Variants in EXTL3 observed in about 807,000 individuals in gnomAD.
The protein encoded by EXTL3 is exostosin like glycosyltransferase 3.
In EXTL3, 27 loss-of-function variants were observed where a neutral mutation model predicts 69.3. The ratio of observed to expected loss-of-function variants is 0.39; its 90% confidence interval spans 0.29 to 0.54. The LOEUF (loss-of-function observed/expected upper bound fraction) is 0.54, where lower values mean the gene tolerates loss of function less well. Among genes scored for constraint, EXTL3 ranks in the 20% least tolerant of loss-of-function variants. The pLI is 0.69. For synonymous variants in EXTL3, 511 were observed against 499.4 expected (o/e 1.02, Z -0.31); for missense variants, 1,003 against 1,231.8 (o/e 0.81, Z 2.78).
upstream of EXTL3, among the ~76,000 whole-genome samples, chr8:28,699,211 T>C (rs928472633): frequency 6.6e-6 from 1 of 152,022 alleles, no homozygotes; most frequent in East Asian, 1.9e-4. Flanking sequence ...ATGATGATGA[T>C]GTGAGGGTGT....
At chr8:28,616,498 G>C (rs1335843188) in intron 2 of EXTL3, among the ~76,000 whole-genome samples, 1 of 152,128 alleles carries the variant, frequency 6.6e-6, no homozygotes, top group Non-Finnish European at 1.5e-5. Context: ...GTGGTGGCGG[G>C]CGCCTGCAGT....
intron 1 of EXTL3, among the ~76,000 whole-genome samples, chr8:28,695,152 G>A (rs1276186911): frequency 1.3e-4 from 19 of 146,120 alleles, no homozygotes; most frequent in Non-Finnish European, 2.7e-4. Context: ...TTTTTGAGGC[G>A]GAGTTTTGCT....
chr8:28,743,247 C>T (rs1358756679), intron 6 of EXTL3, 33 bp downstream of exon 6: 5 of 1,613,306 alleles, frequency 3.1e-6, no homozygotes, highest in Admixed American at 1.7e-5. Flanking sequence ...GCTGTGGATG[C>T]GTGCATGTTT....
chr8:28,695,945 T>A (rs1800678640), intron 1 of EXTL3, among the ~76,000 whole-genome samples: 1 of 152,166 alleles, frequency 6.6e-6, no homozygotes, highest in African/African-American at 2.4e-5. Flanking sequence ...TAAGACATGG[T>A]CTCGCTTTGT....
chr8:28,703,391 T>C lies in EXTL3; in HGVS notation c.-570+1732T>C, dbSNP rs548323946. Among the ~76,000 whole-genome samples the C allele has an allele frequency of 1.3e-4, 20 of 150,984 alleles. No individual in the cohort carries two copies. In the South Asian group the frequency reaches 4.2e-3, roughly 32 times the overall value. On this transcript the variant is annotated intron_variant, in intron 1 of 6. Coordinates refer to ENST00000220562, the MANE Select transcript of EXTL3 (RefSeq NM_001440.4). ...AGTTTTGACCTCGGAGTAAAAAGAT[T>C]TTAAGGGAACAGTTTGGAGAGAAGT...
intron 2 of EXTL3, 145 bp downstream of exon 2, chr8:28,713,695 G>T: frequency 1.7e-6 from 1 of 603,054 alleles, no homozygotes; most frequent in Non-Finnish European, 2.9e-6. Flanking sequence ...TGAATCACAA[G>T]GATAATGTAA....
rs557568422 is a variant in EXTL3, at chr8:28,713,966, G to A, written c.-476+416G>A. Among the ~76,000 whole-genome samples, 3 of 147,936 alleles carry A rather than the reference G, an allele frequency of 2.0e-5. No individual in the cohort carries two copies. The South Asian group carries it at 6.4e-4, about 32-fold the overall frequency. Reference sequence around the variant, plus strand: ...TTGTTGCCTGGGCTGGAGTGCAATGGTGCGATCTCGGCTCACTGCAACCTC... The same window carrying A: ...TTGTTGCCTGGGCTGGAGTGCAATGATGCGATCTCGGCTCACTGCAACCTC... On this transcript the variant is annotated intron_variant, in intron 2 of 6. Coordinates refer to ENST00000220562, the MANE Select transcript of EXTL3 (RefSeq NM_001440.4).
rs1801529315 is a variant in EXTL3 at position 28,731,136 on chromosome 8, C to T, written c.2149-87C>T. On this transcript the variant is annotated intron_variant, in intron 3 of 6. Coordinates refer to ENST00000220562, the MANE Select transcript of EXTL3 (RefSeq NM_001440.4). ...GGCAAAATTATTCAGTAAATCCAGCCATGGTCTCCTTGGACCTAAATACAG... is the reference window on the plus strand; with the variant it reads ...GGCAAAATTATTCAGTAAATCCAGCTATGGTCTCCTTGGACCTAAATACAG... The T allele has an allele frequency of 9.7e-6, 15 of 1,541,934 alleles. No individual in the cohort carries two copies. The Admixed American group carries it at 2.5e-4, about 26-fold the overall frequency.
chr8:28,717,587 C>CGGCAAGAGGA lies in EXTL3; in HGVS notation c.1534_1535insAGGAGGCAAG (p.Gly512GlufsTer16), dbSNP rs1563215708. ...CGATAGTGACCTCCTGGCTATGAGG[C>CGGCAAGAGGA]GGCAAGGCCGCTTTCTCTGGGAGAC... On this transcript the variant is annotated frameshift_variant, in exon 3 of 7. Transcript: ENST00000220562. LOFTEE classifies it high-confidence loss of function. The surrounding 1 kb of genome is among the most constrained non-coding windows in gnomAD (Gnocchi z 8.3). The CGGCAAGAGGA allele has an allele frequency of 1.2e-6, 2 of 1,614,238 alleles. No homozygotes were observed. The highest frequency in any genetic ancestry group is 1.7e-6 in the Non-Finnish European group (2 of 1,180,036).
rs1014517062 is a variant in EXTL3 at position 28,731,100 on chromosome 8, C to T, written c.2149-123C>T. The T allele has an allele frequency of 4.3e-5, 49 of 1,139,244 alleles. 1 individual carries two copies. The highest frequency in any genetic ancestry group is 2.4e-4 in the Admixed American group (14 of 58,614). 70.6% of individuals were successfully genotyped at this position (1,139,244 alleles called of 1,614,324 possible). On this transcript the variant is annotated intron_variant, in intron 3 of 6. Transcript: ENST00000220562. ...AAAGGCATATGCTAGATTTTACAAGCGCGGAGATCAGGCAAAATTATTCAG... is the reference window on the plus strand; with the variant it reads ...AAAGGCATATGCTAGATTTTACAAGTGCGGAGATCAGGCAAAATTATTCAG...
intron 2 of EXTL3, among the ~76,000 whole-genome samples, chr8:28,617,604 C>T (rs1385382297): frequency 6.6e-6 from 1 of 152,078 alleles, no homozygotes; most frequent in Non-Finnish European, 1.5e-5. Context: ...GGCAACATGG[C>T]AAAACCCTGT....
chr8:28,701,463 G>A (rs1345862749), upstream of EXTL3: 1 of 151,306 alleles, frequency 6.6e-6, no homozygotes, highest in African/African-American at 2.5e-5. Flanking sequence ...GCGAACGCCG[G>A]CTTCGGCCAT....
chr8:28,617,286 G>T (rs1020143142), intron 2 of EXTL3, among the ~76,000 whole-genome samples: 16 of 152,180 alleles, frequency 1.1e-4, no homozygotes, highest in Non-Finnish European at 1.2e-4. Context: ...CGTGACTAGG[G>T]TCTACAGTGG....
upstream of EXTL3, chr8:28,701,172 G>A (rs1402536580): frequency 6.6e-6 from 1 of 152,254 alleles, no homozygotes; most frequent in African/African-American, 2.4e-5. Context: ...CCCTGCGGAA[G>A]CGGCGGTGGC....
At chr8:28,727,927 A>G (rs1801447951) in intron 3 of EXTL3, among the ~76,000 whole-genome samples, 1 of 152,160 alleles carries the variant, frequency 6.6e-6, no homozygotes, top group Non-Finnish European at 1.5e-5. Flanking sequence ...CTGGTTTACT[A>G]ATTGTGCTGT....
chr8:28,717,043 C>A lies in EXTL3; in HGVS notation c.984C>A (p.Phe328Leu), dbSNP rs760941689. Residue 328 changes from phenylalanine to leucine, a missense_variant, in exon 3 of 7, where the codon TTC (phenylalanine) becomes TTA (leucine). Transcript: ENST00000220562. The surrounding 1 kb of genome is among the most constrained non-coding windows in gnomAD (Gnocchi z 8.3). ...TCCATGCCATGTCTGAGCCCAACTT[C>A]ATGGAAATCCCACCACAGGTGCCGG... is the stretch of plus-strand genomic sequence containing the variant. ...PLVHAMSEPNFMEIPPQVPVK... is the reference protein window; with the variant it reads ...PLVHAMSEPNLMEIPPQVPVK... The A allele has an allele frequency of 1.2e-6, 2 of 1,614,142 alleles. No individual in the cohort carries two copies. Among genetic ancestry groups the A allele is most frequent in the Non-Finnish European group, 1.7e-6 (2 of 1,180,060 alleles).
rs762741027 is a variant in EXTL3 at position 28,717,947 on chromosome 8, T to C, written c.1888T>C (p.Leu630=). Residue 630 remains leucine, a synonymous_variant, in exon 3 of 7, where the codon TTG becomes CTG. Coordinates refer to ENST00000220562, the MANE Select transcript of EXTL3 (RefSeq NM_001440.4). The surrounding 1 kb of genome is among the most constrained non-coding windows in gnomAD (Gnocchi z 8.3). The stretch of plus-strand genomic sequence containing the variant: ...TGTGTTGCCCTCAGAGGCCAAATTC[T>C]TGGGCTCAGGGACTGGCTTTCGGCC... ...DPVLPSEAKF[L]GSGTGFRPIG... The C allele has an allele frequency of 3.7e-6, 6 of 1,614,128 alleles. No homozygotes were observed. In the African/African-American group the frequency reaches 8.0e-5, roughly 22 times the overall value.
intron 3 of EXTL3, among the ~76,000 whole-genome samples, chr8:28,726,258 T>C (rs1801411250): frequency 6.6e-6 from 1 of 152,200 alleles, no homozygotes; most frequent in African/African-American, 2.4e-5. Context: ...CCGGCCTGCA[T>C]TTAGAAATGT....
chr8:28,718,533 C>A lies in EXTL3; in HGVS notation c.2148+326C>A, dbSNP rs533222865. Reference sequence around the variant, plus strand: ...GATGATGATGATAATGATAAGCTACCATTTAGGAAGCACTTAGCCTCTAGG... The same window carrying A: ...GATGATGATGATAATGATAAGCTACAATTTAGGAAGCACTTAGCCTCTAGG... On this transcript the variant is annotated intron_variant, in intron 3 of 6. Transcript: ENST00000220562. Among the ~76,000 whole-genome samples, 19 of 152,278 alleles carry A rather than the reference C, an allele frequency of 1.2e-4. 1 individual carries two copies. In the South Asian group the frequency reaches 3.7e-3, roughly 30 times the overall value.
Sources: gnomAD v4.1 joint callset for allele counts (sites outside exome capture counted in the v4.1 genomes callset) on GRCh38, gnomAD v4.1.1 for gene constraint, Gnocchi (gnomAD v3.1) non-coding constraint, MANE v1.5 for transcripts, NCBI Gene and HGNC (gene_info 2026-07-23, HGNC 2026-07-21) for gene names.